The following LRP12 variants were observed in gnomAD, a reference collection of about 807,000 sequenced individuals.
The protein encoded by LRP12 is low-density lipoprotein receptor-related protein 12.
In LRP12, 14 loss-of-function variants were observed where a neutral mutation model predicts 66.0. The observed-to-expected ratio is 0.21, with a 90% CI of 0.14 to 0.33. The LOEUF is 0.33. Among genes scored for constraint, LRP12 ranks in the 10% least tolerant of loss-of-function variants. LRP12 has a pLI of 1.00. For synonymous variants in LRP12, 357 were observed against 359.1 expected (o/e 0.99, Z 0.07); for missense variants, 889 against 1,053.4 (o/e 0.84, Z 2.16).
At chr8:104,524,318 T>C (rs1400209038) in intron 2 of LRP12, among the ~76,000 whole-genome samples, 1 of 152,166 alleles carries the variant, frequency 6.6e-6, no homozygotes, top group Non-Finnish European at 1.5e-5. Flanking sequence ...GTTTATGTTG[T>C]TGTTAAGATT....
At chr8:104,511,280 G>A (rs537700031) in intron 2 of LRP12, among the ~76,000 whole-genome samples, 14 of 151,578 alleles carry the variant, frequency 9.2e-5, no homozygotes, top group Non-Finnish European at 1.8e-4. Flanking sequence ...TTGACCTTGT[G>A]ATGTTACCAC....
At chr8:104,564,216 A>C (rs778854510) in intron 1 of LRP12, among the ~76,000 whole-genome samples, 11 of 152,348 alleles carry the variant, frequency 7.2e-5, no homozygotes, top group East Asian at 1.9e-4. Flanking sequence ...CATACATCAC[A>C]GAAGTTTCTA....
chr8:104,540,143 A>G (rs1811454089), intron 1 of LRP12, among the ~76,000 whole-genome samples: 1 of 151,320 alleles, frequency 6.6e-6, no homozygotes. Flanking sequence ...TCTTATAAGA[A>G]GAGGAGATAC....
At position 104,512,210 on chromosome 8, in the gene LRP12, A is replaced by C. The variant is rs565077859; in HGVS notation, c.137-3136T>G. Reference sequence around the variant, plus strand: ...CGTGCACCTGTAGTCCCAGCTACTCAGGAGGCTGAGGCAGGAGAATTGCTT... The same window carrying C: ...CGTGCACCTGTAGTCCCAGCTACTCCGGAGGCTGAGGCAGGAGAATTGCTT... On this transcript the variant is annotated intron_variant, in intron 2 of 6. Transcript: ENST00000276654. 5.9e-5 allele frequency among the ~76,000 whole-genome samples: 9 copies of C among 152,226 alleles called. 1 individual carries two copies. The highest frequency in any genetic ancestry group is 2.2e-4 in the African/African-American group (9 of 41,544).
chr8:104,506,856 T>C (rs1377052855), intron 3 of LRP12: 5 of 152,226 alleles, frequency 3.3e-5, no homozygotes, highest in Admixed American at 6.5e-5. Flanking sequence ...GTATTGTTTT[T>C]ACTCCGTAAC....
intron 2 of LRP12, among the ~76,000 whole-genome samples, chr8:104,512,944 A>T (rs1426513705): frequency 6.6e-6 from 1 of 152,186 alleles, no homozygotes; most frequent in Non-Finnish European, 1.5e-5. Flanking sequence ...CAAAAACAAA[A>T]CCATAGTATC....
Position 104,555,234 on chromosome 8 carries a change from T to A in LRP12, c.80-23271A>T, listed in dbSNP as rs371153170. Among the ~76,000 whole-genome samples the A allele has an allele frequency of 3.0e-4, 46 of 151,868 alleles. No individual in the cohort carries two copies. In the South Asian group the frequency reaches 9.3e-3, roughly 31 times the overall value. On this transcript the variant is annotated intron_variant, in intron 1 of 6. Coordinates refer to ENST00000276654, the MANE Select transcript of LRP12 (RefSeq NM_013437.5). ...AATATCACAATGAAACACAATGAAA[T>A]AACACAATGAAAAATAACACAATGA...
rs1283476994 is a variant in LRP12, at chr8:104,509,031, T to C, written c.180A>G (p.Ile60Met). 1 of 1,613,822 alleles carries C rather than the reference T, an allele frequency of 6.2e-7. No individual in the cohort carries two copies. Among genetic ancestry groups the C allele is most frequent in the Non-Finnish European group, 8.5e-7 (1 of 1,179,862 alleles). The part of the protein sequence containing the change: ...TPEQIRAPSG[I>M]ITSPGWPSEY... Reference sequence around the variant, plus strand: ...CAGAAGGCCAGCCTGGGCTTGTGATTATGCCACTTGGTGCTCGTATTTGCT... The same window carrying C: ...CAGAAGGCCAGCCTGGGCTTGTGATCATGCCACTTGGTGCTCGTATTTGCT... Residue 60 changes from isoleucine to methionine, a missense_variant, in exon 3 of 7, where the codon ATA becomes ATG. Ile to Met is a conservative substitution (Grantham distance 10). Transcript: ENST00000276654.
intron 1 of LRP12, among the ~76,000 whole-genome samples, chr8:104,543,247 A>T (rs1409368710): frequency 6.6e-6 from 1 of 152,072 alleles, no homozygotes; most frequent in Non-Finnish European, 1.5e-5. Flanking sequence ...ACATAGAGCA[A>T]GTCTATCAGT....
At chr8:104,543,891 A>G (rs965938219) in intron 1 of LRP12, among the ~76,000 whole-genome samples, 1 of 152,142 alleles carries the variant, frequency 6.6e-6, no homozygotes, top group African/African-American at 2.4e-5. Context: ...CACTGCACAC[A>G]AGCCTGGGCG....
At chr8:104,494,181 A>G (rs1588480987) in intron 6 of LRP12, among the ~76,000 whole-genome samples, 1 of 152,200 alleles carries the variant, frequency 6.6e-6, no homozygotes. Context: ...TCCCCATAGC[A>G]GGGCTGATAT....
At chr8:104,535,713 G>C (rs1454736526) in intron 1 of LRP12, among the ~76,000 whole-genome samples, 3 of 151,876 alleles carry the variant, frequency 2.0e-5, no homozygotes, top group Non-Finnish European at 2.9e-5. Flanking sequence ...GCTAGTAACT[G>C]CGTGGATTGA....
rs1416431877 is a variant in LRP12, at chr8:104,495,083, A to G, written c.1707T>C (p.Pro569=). 1 of 1,613,406 alleles carries G rather than the reference A, an allele frequency of 6.2e-7. No homozygotes were observed. The highest frequency in any genetic ancestry group is 8.5e-7 in the Non-Finnish European group (1 of 1,179,614). The change falls in exon 6 of 7, where the codon CCT becomes CCC. Residue 569 remains proline (P), a synonymous_variant. Transcript: ENST00000276654. ...PPVEDFPVCS[P]NQASVLENLR... is the part of the protein sequence containing the mutation. ...ATTACACATTGCAATATACCTGATT[A>G]GGTGAACAAACAGGAAAATCTTCAA...
At chr8:104,585,505 C>A (rs1812315416) in intron 1 of LRP12, among the ~76,000 whole-genome samples, 1 of 152,140 alleles carries the variant, frequency 6.6e-6, no homozygotes, top group South Asian at 2.1e-4. Flanking sequence ...GGATTACAGG[C>A]TTGAGTCACC....
intron 2 of LRP12, among the ~76,000 whole-genome samples, chr8:104,523,175 C>CA (rs1811176828): frequency 6.6e-6 from 1 of 151,862 alleles, no homozygotes; most frequent in Admixed American, 6.6e-5. Flanking sequence ...TTTTTTCCAA[C>CA]AAATACATTG....
intron 1 of LRP12, among the ~76,000 whole-genome samples, chr8:104,547,703 T>C (rs1019111180): frequency 2.4e-5 from 3 of 127,072 alleles, no homozygotes; most frequent in African/African-American, 9.0e-5. Flanking sequence ...TCATATATTA[T>C]ATATAATTCT....
intron 1 of LRP12, 60 bp downstream of exon 1, chr8:104,588,759 C>T: frequency 6.6e-7 from 1 of 1,524,172 alleles, no homozygotes; most frequent in South Asian, 1.2e-5. Context: ...CTGGAGGCCT[C>T]GGGGCCCGGG....
At chr8:104,564,105 T>G (rs1588506644) in intron 1 of LRP12, among the ~76,000 whole-genome samples, 1 of 150,234 alleles carries the variant, frequency 6.7e-6, no homozygotes, top group Non-Finnish European at 1.5e-5. Flanking sequence ...ATATTTCTAC[T>G]TTACAATTTT....
intron 1 of LRP12, among the ~76,000 whole-genome samples, chr8:104,562,105 T>G (rs1043247762): frequency 2.0e-5 from 3 of 152,170 alleles, no homozygotes; most frequent in Non-Finnish European, 4.4e-5. Flanking sequence ...TGGCTCTAAC[T>G]GTGTGACTTT....
Sources: gnomAD v4.1 joint callset for allele counts (sites outside exome capture counted in the v4.1 genomes callset) on GRCh38, gnomAD v4.1.1 for gene constraint, MANE v1.5 for transcripts, NCBI Gene and HGNC (gene_info 2026-07-23, HGNC 2026-07-21) for gene names.